The following TENM2 variants were observed in gnomAD, a reference collection of about 807,000 sequenced individuals.
The protein encoded by TENM2 is teneurin-2.
TENM2 carries 52 observed loss-of-function variants against 245.2 expected under a neutral mutation model. The observed-to-expected ratio is 0.21, with a 90% CI of 0.17 to 0.27. TENM2 has a LOEUF of 0.27. TENM2 is among the 10% of genes least tolerant of loss of function. The pLI is 1.00. For synonymous variants in TENM2, 1,363 were observed against 1,438.9 expected, an observed-to-expected ratio of 0.95 and a Z score of 1.19; for missense variants, 3,046 against 3,666.8, an observed-to-expected ratio of 0.83 and a Z score of 4.37.
intron 9 of TENM2, among the ~76,000 whole-genome samples, chr5:168,101,903 T>C (rs956433192): frequency 6.6e-6 from 1 of 152,202 alleles, no homozygotes; most frequent in African/African-American, 2.4e-5. Flanking sequence ...AGAGTGAAAT[T>C]TCCCCTCATT....
intron 2 of TENM2, among the ~76,000 whole-genome samples, chr5:167,391,310 T>C (rs757960555): frequency 4.6e-5 from 7 of 152,018 alleles, no homozygotes; most frequent in Non-Finnish European, 8.8e-5. Context: ...ATAGTTTGAA[T>C]GTAGTAGTTG....
chr5:167,876,343 G>A (rs941398320), intron 3 of TENM2, 148 bp downstream of exon 5: 1 of 704,882 alleles, frequency 1.4e-6, no homozygotes, highest in Non-Finnish European at 2.4e-6. Flanking sequence ...TTGTGGCATG[G>A]TATTTTCAAG....
chr5:167,688,100 T>A (rs1010689374), intron 2 of TENM2, among the ~76,000 whole-genome samples: 3 of 152,180 alleles, frequency 2.0e-5, no homozygotes, highest in Non-Finnish European at 4.4e-5. Context: ...GAGGGAGGGA[T>A]CAGTCAAGTG....
At chr5:168,231,030 A>G (rs904273666) in intron 25 of TENM2, 2 of 152,254 alleles carry the variant, frequency 1.3e-5, no homozygotes, top group African/African-American at 2.4e-5. Context: ...CGATCCTGCC[A>G]TCTTAAGCAC....
At chr5:167,650,750 A>G (rs142197514) in intron 2 of TENM2, among the ~76,000 whole-genome samples, 7 of 152,304 alleles carry the variant, frequency 4.6e-5, no homozygotes, top group African/African-American at 1.4e-4. Context: ...TAAATCAGGT[A>G]TGAGCTGTAT....
chr5:167,907,815 A>G (rs189912094), intron 3 of TENM2, among the ~76,000 whole-genome samples: 30 of 152,014 alleles, frequency 2.0e-4, no homozygotes, highest in African/African-American at 7.0e-4. Flanking sequence ...CAGCCCCACC[A>G]CAGAGATAAA....
At chr5:167,046,828 T>C in the TENM2 span, among the ~76,000 whole-genome samples, 1 of 152,114 alleles carries the variant, frequency 6.6e-6, no homozygotes, top group Non-Finnish European at 1.5e-5. Context: ...ATGCGTTAGG[T>C]ATTTGTCCTA....
the TENM2 span, among the ~76,000 whole-genome samples, chr5:166,982,351 G>A: frequency 6.6e-6 from 1 of 152,022 alleles, no homozygotes; most frequent in Admixed American, 6.6e-5. Context: ...AACATTAATT[G>A]CTATTTTTTC....
intron 2 of TENM2, among the ~76,000 whole-genome samples, chr5:167,518,372 T>C (rs1770535652): frequency 6.6e-6 from 1 of 152,132 alleles, no homozygotes; most frequent in African/African-American, 2.4e-5. Context: ...CAAGAGATCC[T>C]TCATTCTTTG....
intron 2 of TENM2, among the ~76,000 whole-genome samples, chr5:167,744,182 T>A (rs957042476): frequency 6.6e-6 from 1 of 152,182 alleles, no homozygotes; most frequent in Non-Finnish European, 1.5e-5. Context: ...CCAAGCATAT[T>A]TGGAGATTCT....
intron 2 of TENM2, among the ~76,000 whole-genome samples, chr5:167,808,629 T>C (rs1039303561): frequency 6.6e-6 from 1 of 152,194 alleles, no homozygotes; most frequent in African/African-American, 2.4e-5. Flanking sequence ...ACTTATACTA[T>C]TACCTTTATT....
chr5:167,458,324 T>C (rs1009767620), intron 2 of TENM2, among the ~76,000 whole-genome samples: 1 of 145,466 alleles, frequency 6.9e-6, no homozygotes, highest in Non-Finnish European at 1.6e-5. Flanking sequence ...CTGTCTCTAC[T>C]AAAAATACAA....
Position 167,621,211 on chromosome 5 carries a change from A to C in TENM2, c.502+245738A>C, listed in dbSNP as rs1224286818. On this transcript the variant is annotated intron_variant, in intron 2 of 28. Coordinates refer to ENST00000518659, the Ensembl canonical transcript of TENM2. ...TTGTTGGAAGGACCAGGCATTAATT[A>C]CCTAAATGAATGAATAAGAACATTT... Among the ~76,000 whole-genome samples the C allele has an allele frequency of 2.6e-5, 4 of 152,184 alleles. No homozygotes were observed. In the East Asian group the frequency reaches 7.7e-4, roughly 29 times the overall value.
the TENM2 span, among the ~76,000 whole-genome samples, chr5:167,097,224 C>T: frequency 7.9e-5 from 12 of 152,024 alleles, no homozygotes; most frequent in Non-Finnish European, 1.6e-4. Flanking sequence ...ACGATTTGAT[C>T]GAGTGCATTC....
chr5:166,998,993 A>G, the TENM2 span, among the ~76,000 whole-genome samples: 1 of 150,938 alleles, frequency 6.6e-6, no homozygotes, highest in Non-Finnish European at 1.5e-5. Flanking sequence ...CTGCTATTAT[A>G]TTATATGCTA....
intron 3 of TENM2, among the ~76,000 whole-genome samples, chr5:167,924,051 C>G (rs1262823412): frequency 6.6e-6 from 1 of 152,146 alleles, no homozygotes; most frequent in Non-Finnish European, 1.5e-5. Flanking sequence ...AAAGAGTGTC[C>G]AAGTCCCGGG....
intron 2 of TENM2, among the ~76,000 whole-genome samples, chr5:167,383,542 T>C (rs1761221744): frequency 6.6e-6 from 1 of 152,092 alleles, no homozygotes; most frequent in African/African-American, 2.4e-5. Context: ...CCTTGAAATA[T>C]GTCCCTCTTC....
intron 2 of TENM2, among the ~76,000 whole-genome samples, chr5:167,536,947 C>A (rs1366085235): frequency 6.6e-6 from 1 of 151,868 alleles, no homozygotes; most frequent in African/African-American, 2.4e-5. Context: ...TCGCTTGAAC[C>A]CGGGAGGTGG....
chr5:167,187,843 T>A, the TENM2 span, among the ~76,000 whole-genome samples: 1 of 152,146 alleles, frequency 6.6e-6, no homozygotes, highest in Admixed American at 6.6e-5. Flanking sequence ...ATTGCTGCTG[T>A]TCTGATTTTC....
Sources: gnomAD v4.1 joint callset for allele counts (sites outside exome capture counted in the v4.1 genomes callset) on GRCh38, gnomAD v4.1.1 for gene constraint, MANE v1.5 for transcripts, NCBI Gene and HGNC (gene_info 2026-07-23, HGNC 2026-07-21) for gene names.